The following AKAP12 variants were observed in gnomAD, a reference collection of about 807,000 sequenced individuals.
AKAP12 encodes the protein A-kinase anchoring protein 12, also known as A-kinase anchor protein 12.
AKAP12 carries 32 observed loss-of-function variants against 79.9 expected under a neutral mutation model. That is an observed-to-expected ratio of 0.40 (90% CI 0.30 to 0.54). The LOEUF is 0.54. AKAP12 is among the 20% of genes least tolerant of loss of function. The pLI, the probability that AKAP12 is intolerant of heterozygous loss-of-function variation, is 0.48. For missense variants in AKAP12, 2,074 were observed against 2,177.0 expected (o/e 0.95, Z 0.94); for synonymous variants, 808 against 857.0 (o/e 0.94, Z 1.00).
intron 2 of AKAP12, among the ~76,000 whole-genome samples, chr6:151,272,717 G>C (rs1286018784): frequency 6.6e-6 from 1 of 152,114 alleles, no homozygotes; most frequent in Non-Finnish European, 1.5e-5. Flanking sequence ...TGTATTTTTA[G>C]TAGAGACAGG....
chr6:151,310,668 G>T (rs1274981835), intron 3 of AKAP12, among the ~76,000 whole-genome samples: 2 of 152,054 alleles, frequency 1.3e-5, no homozygotes, highest in African/African-American at 4.8e-5. Flanking sequence ...GAACAGTTGA[G>T]GAAAATCAGT....
intron 2 of AKAP12, among the ~76,000 whole-genome samples, chr6:151,260,773 C>T (rs1208546116): frequency 6.6e-6 from 1 of 151,960 alleles, no homozygotes; most frequent in Admixed American, 6.6e-5. Context: ...GTGGGCGGAT[C>T]ACCTGAGGTC....
intron 3 of AKAP12, among the ~76,000 whole-genome samples, chr6:151,321,810 T>C (rs1156235851): frequency 6.6e-6 from 1 of 152,072 alleles, no homozygotes; most frequent in African/African-American, 2.4e-5. Context: ...TAGCGATGTG[T>C]GAGGGTTCCA....
intron 2 of AKAP12, among the ~76,000 whole-genome samples, chr6:151,297,024 T>TTTTTG (rs1554326050): frequency 2.0e-5 from 3 of 151,506 alleles, no homozygotes; most frequent in African/African-American, 7.3e-5. Context: ...AAAGGGTTTT[T>TTTTTG]TTTTTTTTTT....
chr6:151,345,826 A>C (rs906180173), intron 3 of AKAP12, among the ~76,000 whole-genome samples: 1 of 151,300 alleles, frequency 6.6e-6, no homozygotes, highest in African/African-American at 2.4e-5. Flanking sequence ...AAGAAAATTC[A>C]GACAAGCAAA....
chr6:151,314,649 A>G (rs1428027859), intron 3 of AKAP12, among the ~76,000 whole-genome samples: 2 of 152,172 alleles, frequency 1.3e-5, no homozygotes, highest in Non-Finnish European at 2.9e-5. Context: ...ATAAATCTCT[A>G]TAGTTCGGAG....
chr6:151,285,383 A>AGTGT (rs1776481103), intron 2 of AKAP12, among the ~76,000 whole-genome samples: 2 of 54,150 alleles, frequency 3.7e-5, no homozygotes, highest in Non-Finnish European at 7.7e-5. Flanking sequence ...GCTGCATTTC[A>AGTGT]CTGTGTGTGT....
At chr6:151,257,258 C>T (rs1797320402) in intron 2 of AKAP12, among the ~76,000 whole-genome samples, 1 of 152,012 alleles carries the variant, frequency 6.6e-6, no homozygotes, top group South Asian at 2.1e-4. Context: ...ATCTTTCTGT[C>T]CACGAGCACT....
chr6:151,273,349 G>A (rs996257893), intron 2 of AKAP12, among the ~76,000 whole-genome samples: 17 of 152,230 alleles, frequency 1.1e-4, no homozygotes, highest in Non-Finnish European at 2.1e-4. Context: ...GAGTTTGACT[G>A]TTAGATGCTA....
At chr6:151,310,509 C>G (rs148000052) in intron 3 of AKAP12, among the ~76,000 whole-genome samples, 3 of 152,094 alleles carry the variant, frequency 2.0e-5, no homozygotes, top group African/African-American at 7.2e-5. Flanking sequence ...TTGGGGAGGT[C>G]GAGGCTGGGG....
At chr6:151,281,487 G>T (rs1197325076) in intron 2 of AKAP12, among the ~76,000 whole-genome samples, 1 of 152,030 alleles carries the variant, frequency 6.6e-6, no homozygotes, top group East Asian at 1.9e-4. Context: ...ATCTTTTGAG[G>T]TCTTCTTATA....
At chr6:151,307,473 G>T (rs192725128) in intron 3 of AKAP12, among the ~76,000 whole-genome samples, 1 of 152,214 alleles carries the variant, frequency 6.6e-6, no homozygotes, top group Non-Finnish European at 1.5e-5. Context: ...AGTTTAGAAA[G>T]TATTTAGTGG....
chr6:151,254,773 T>C (rs1797259066), intron 2 of AKAP12, among the ~76,000 whole-genome samples: 1 of 152,230 alleles, frequency 6.6e-6, no homozygotes, highest in African/African-American at 2.4e-5. Context: ...ACTGAGAATC[T>C]GGTGACTGAA....
At chr6:151,272,539 A>G (rs532483570) in intron 2 of AKAP12, among the ~76,000 whole-genome samples, 15 of 151,838 alleles carry the variant, frequency 9.9e-5, no homozygotes, top group African/African-American at 3.4e-4. Context: ...AGATAGATAG[A>G]GATGGAGTCT....
At chr6:151,323,277 G>A (rs979410501) in intron 3 of AKAP12, among the ~76,000 whole-genome samples, 17 of 152,352 alleles carry the variant, frequency 1.1e-4, no homozygotes, top group African/African-American at 2.9e-4. Context: ...CAGGCCGGAC[G>A]CAGTGGCTCA....
chr6:151,354,416 C>G (rs1582905922), intron 4 of AKAP12, among the ~76,000 whole-genome samples: 1 of 152,140 alleles, frequency 6.6e-6, no homozygotes, highest in African/African-American at 2.4e-5. Flanking sequence ...CTCTGTCATC[C>G]AGGCTGGAAT....
chr6:151,347,178 C>A (rs1053547738), intron 3 of AKAP12, among the ~76,000 whole-genome samples: 1 of 152,210 alleles, frequency 6.6e-6, no homozygotes, highest in African/African-American at 2.4e-5. Flanking sequence ...TTCTTGTGTC[C>A]TTTTGACACC....
rs1344111768 is a variant in AKAP12 at position 151,352,374 on chromosome 6, C to A, written c.3983C>A (p.Ser1328Tyr). The change falls in exon 4 of 5, where the codon TCT becomes TAT. Residue 1328 changes from serine to tyrosine, a missense_variant. Coordinates refer to ENST00000402676, the MANE Select transcript of AKAP12 (RefSeq NM_005100.4). Reference protein sequence around the residue: ...DALELQSHAKSPPSPVEREMV... With the variant: ...DALELQSHAKYPPSPVEREMV... Reference sequence around the variant, plus strand: ...CTTGAACTGCAGAGTCACGCTAAGTCTCCTCCATCCCCCGTGGAGAGAGAG... The same window carrying A: ...CTTGAACTGCAGAGTCACGCTAAGTATCCTCCATCCCCCGTGGAGAGAGAG... 8 of 1,614,040 alleles carry A rather than the reference C, an allele frequency of 5.0e-6. No individual in the cohort carries two copies. Among genetic ancestry groups the A allele is most frequent in the South Asian group, 1.1e-5 (1 of 91,084 alleles).
At chr6:151,260,049 AC>A (rs1184733925) in intron 2 of AKAP12, among the ~76,000 whole-genome samples, 1 of 152,114 alleles carries the variant, frequency 6.6e-6, no homozygotes, top group Non-Finnish European at 1.5e-5. Context: ...CAAGGTTGAA[AC>A]TTGTAGAGAA....
Sources: gnomAD v4.1 joint callset for allele counts (sites outside exome capture counted in the v4.1 genomes callset) on GRCh38, gnomAD v4.1.1 for gene constraint, MANE v1.5 for transcripts, NCBI Gene and HGNC (gene_info 2026-07-23, HGNC 2026-07-21) for gene names.